The following NLRP8 variants were observed in gnomAD, a reference collection of about 807,000 sequenced individuals.
NLRP8 encodes the protein NLR family pyrin domain containing 8.
A neutral mutation model predicts 88.7 loss-of-function variants in NLRP8; 86 were observed. The ratio of observed to expected loss-of-function variants is 0.97; its 90% CI spans 0.81 to 1.16. The LOEUF (loss-of-function observed/expected upper bound fraction) is 1.16, where lower values mean the gene tolerates loss of function less well. NLRP8 is among the 50% of genes most tolerant of loss of function. The pLI is 0.00. For missense variants in NLRP8, 1,342 were observed against 1,286.5 expected (o/e 1.04, Z -0.66); for synonymous variants, 504 against 494.6 (o/e 1.02, Z -0.25).
chr19:55,962,171 G>T lies in NLRP8; in HGVS notation c.2147G>T (p.Gly716Val). Reference sequence around the variant, plus strand: ...CTGACTATGACCAACAGTGTTTTGGGGCCTCCTTTTTTGAAGGCTCTCGCG... The same window carrying T: ...CTGACTATGACCAACAGTGTTTTGGTGCCTCCTTTTTTGAAGGCTCTCGCG... Residue 716 changes from glycine to valine, a missense_variant, in exon 4 of 10, where the codon GGG becomes GTG. Transcript: ENST00000291971. 2.5e-6 allele frequency: 4 copies of T among 1,614,144 alleles called. No homozygotes were observed. The highest frequency in any genetic ancestry group is 3.4e-6 in the Non-Finnish European group (4 of 1,179,992).
intron 1 of NLRP8, among the ~76,000 whole-genome samples, chr19:55,948,613 T>G (rs1978959284): frequency 6.6e-6 from 1 of 152,094 alleles, no homozygotes; most frequent in Admixed American, 6.6e-5. Flanking sequence ...TTTTTTTTTA[T>G]TTTTAGTAGA....
chr19:55,984,360 CA>C (rs1248878438), intron 9 of NLRP8, among the ~76,000 whole-genome samples: 1 of 152,010 alleles, frequency 6.6e-6, no homozygotes, highest in Non-Finnish European at 1.5e-5. Flanking sequence ...TAGGAATAAA[CA>C]ATAACAGTTG....
In NLRP8 at chr19:55,955,393, G is replaced by T. The variant is rs1278987968; in HGVS notation, c.1335G>T (p.Lys445Asn). The change falls in exon 3 of 10, where the codon AAG becomes AAT. Residue 445 changes from lysine (K) to asparagine (N), a missense_variant. Transcript: ENST00000291971. Reference sequence around the variant, plus strand: ...CCAGAGCTGAGAACTTTTCCAGAAAGATCCACCAAGCACAACTGGAAGGTC... The same window carrying T: ...CCAGAGCTGAGAACTTTTCCAGAAATATCCACCAAGCACAACTGGAAGGTC... 3.1e-6 allele frequency: 5 copies of T among 1,614,058 alleles called. No individual in the cohort carries two copies. The African/African-American group carries it at 5.3e-5, about 17-fold the overall frequency.
chr19:55,960,897 C>CTT (rs36087472), intron 3 of NLRP8, among the ~76,000 whole-genome samples: 1,354 of 90,948 alleles, frequency 0.015, 49 homozygotes, highest in African/African-American at 0.035. Context: ...AACTATTTCT[C>CTT]TTTTTTTTTT....
chr19:55,959,606 G>A (rs890447080), intron 3 of NLRP8, among the ~76,000 whole-genome samples: 20 of 152,220 alleles, frequency 1.3e-4, no homozygotes, highest in African/African-American at 4.6e-4. Context: ...CATATTTCTT[G>A]GGTATGTCCC....
intron 5 of NLRP8, among the ~76,000 whole-genome samples, chr19:55,966,654 G>T (rs976404001): frequency 6.6e-6 from 1 of 151,986 alleles, no homozygotes; most frequent in African/African-American, 2.4e-5. Flanking sequence ...ATTAGCCAGC[G>T]TGGTGGCAGG....
chr19:55,976,720 A>G (rs1980345584), intron 8 of NLRP8, among the ~76,000 whole-genome samples: 1 of 149,710 alleles, frequency 6.7e-6, no homozygotes, highest in African/African-American at 2.4e-5. Flanking sequence ...ATAAAGATAC[A>G]TATATAAATA....
At chr19:55,976,003 A>T (rs1200781781) in intron 7 of NLRP8, 130 bp from the exon 8 acceptor site, 3 of 926,462 alleles carry the variant, frequency 3.2e-6, no homozygotes, top group Non-Finnish European at 4.6e-6. Context: ...AAACAAACAA[A>T]CAAAACAAAC....
chr19:55,963,910 C>T (rs1979725395), intron 4 of NLRP8, among the ~76,000 whole-genome samples: 1 of 152,020 alleles, frequency 6.6e-6, no homozygotes, highest in African/African-American at 2.4e-5. Flanking sequence ...GTCTGCTAGG[C>T]TATCTTAGGT....
intron 7 of NLRP8, 74 bp from the exon 8 acceptor site, chr19:55,976,059 T>G: frequency 5.2e-6 from 7 of 1,335,914 alleles, no homozygotes; most frequent in Non-Finnish European, 7.0e-6. Context: ...CCTAAGGGTG[T>G]TTTCGTTGTT....
intron 9 of NLRP8, among the ~76,000 whole-genome samples, chr19:55,986,473 T>TACACACACACACACACAC (rs896816246): frequency 1.5e-4 from 11 of 72,530 alleles, no homozygotes; most frequent in South Asian, 8.5e-4. Flanking sequence ...CTCTCTCACA[T>TACACACACACACACACAC]ACACACACAC....
rs191100616 is a variant in NLRP8 at position 55,950,752 on chromosome 19, C to T, written c.368-1786C>T. Among the ~76,000 whole-genome samples the T allele has an allele frequency of 7.9e-4, 121 of 152,298 alleles. 1 individual carries two copies. The highest frequency in any genetic ancestry group is 3.3e-3 in the Admixed American group (50 of 15,304). On this transcript the variant is annotated intron_variant, in intron 1 of 9. Transcript: ENST00000291971. Reference sequence around the variant, plus strand: ...TTTAAAATAGCACCCAGGCTGGGCACGATGGCTCACGCCTATAATCCCAGC... The same window carrying T: ...TTTAAAATAGCACCCAGGCTGGGCATGATGGCTCACGCCTATAATCCCAGC...
rs879292349 is a variant in NLRP8 at position 55,953,498 on chromosome 19, CTTTCTTTA to C, written c.442+890_442+897del. On this transcript the variant is annotated intron_variant, in intron 2 of 9. Transcript: ENST00000291971. Reference sequence around the variant, plus strand: ...TCTCTATTTCTTTCTTTCTTTCTTTCTTTCTTTATTTTTTTTGAGACGGAGTCTCGCTC... The same window carrying C: ...TCTCTATTTCTTTCTTTCTTTCTTTCTTTTTTTTGAGACGGAGTCTCGCTC... Among the ~76,000 whole-genome samples the C allele has an allele frequency of 5.4e-3, 774 of 144,064 alleles. 7 individuals carry two copies. Among genetic ancestry groups the C allele is most frequent in the African/African-American group, 0.019 (737 of 38,064 alleles). The allele number at this position is 144,064 out of a possible 152,430, so 94.5% of individuals were successfully genotyped here.
At chr19:55,986,890 G>A (rs146678971) in intron 9 of NLRP8, among the ~76,000 whole-genome samples, 134 of 152,266 alleles carry the variant, frequency 8.8e-4, no homozygotes, top group African/African-American at 3.1e-3. Flanking sequence ...TAGAACCCGC[G>A]TATTGAGCTT....
intron 4 of NLRP8, among the ~76,000 whole-genome samples, chr19:55,965,004 G>A (rs1979776874): frequency 6.6e-6 from 1 of 152,112 alleles, no homozygotes; most frequent in African/African-American, 2.4e-5. Flanking sequence ...GGCGTGTGAT[G>A]GCCAGGAGTG....
At chr19:55,982,766 T>A in intron 9 of NLRP8, among the ~76,000 whole-genome samples, 1 of 151,048 alleles carries the variant, frequency 6.6e-6, no homozygotes, top group East Asian at 1.9e-4. Context: ...ACATAGGGAG[T>A]CCCCATCTAC....
In NLRP8 at chr19:55,979,398, G is replaced by A. The variant is rs761831926; in HGVS notation, c.2881G>A (p.Glu961Lys). The A allele has an allele frequency of 6.2e-7, 1 of 1,613,574 alleles. No homozygotes were observed. The highest frequency in any genetic ancestry group is 8.5e-7 in the Non-Finnish European group (1 of 1,180,022). ...CTGTCTGTTTCTGTGTCACAGGCTG[G>A]AAAACTGCCTGTTCACCTCCATCTG... Residue 961 changes from glutamate to lysine, a missense_variant, in exon 9 of 10, where the codon GAA becomes AAA. Transcript: ENST00000291971.
At chr19:55,987,790 C>T in intron 9 of NLRP8, 1 of 1,561,540 alleles carries the variant, frequency 6.4e-7, no homozygotes, top group South Asian at 1.1e-5. Flanking sequence ...CCTCAACCAG[C>T]AGCCTTCCTT....
At chr19:55,966,122 G>A (rs1007480243) in intron 4 of NLRP8, 91 bp from the exon 5 acceptor site, 10 of 1,201,478 alleles carry the variant, frequency 8.3e-6, no homozygotes, top group East Asian at 7.0e-5. Flanking sequence ...CCTGTCCCAC[G>A]TGCAGCTTCC....
Sources: gnomAD v4.1 joint callset for allele counts (sites outside exome capture counted in the v4.1 genomes callset) on GRCh38, gnomAD v4.1.1 for gene constraint, MANE v1.5 for transcripts, NCBI Gene and HGNC (gene_info 2026-07-23, HGNC 2026-07-21) for gene names.